RALGPS1: variants seen among roughly 807,000 people sequenced by gnomAD.
The protein encoded by RALGPS1 is Ral GEF with PH domain and SH3 binding motif 1.
A neutral mutation model predicts 78.8 loss-of-function variants in RALGPS1; 19 were observed. That is an observed-to-expected ratio of 0.24 (90% CI 0.17 to 0.35). The LOEUF (loss-of-function observed/expected upper bound fraction) is 0.35. Ranked by LOEUF, RALGPS1 falls within the 10% of genes least tolerant of loss-of-function variation. RALGPS1 has a pLI of 1.00. For synonymous variants in RALGPS1, 228 were observed against 256.3 expected (o/e 0.89, Z 1.06); for missense variants, 454 against 688.3 (o/e 0.66, Z 3.81).
chr9:127,132,043 G>A (rs1483095819), intron 8 of RALGPS1, among the ~76,000 whole-genome samples: 2 of 152,186 alleles, frequency 1.3e-5, no homozygotes, highest in African/African-American at 4.8e-5. Flanking sequence ...ATGAAGGAGA[G>A]TCAGGACTGG....
At chr9:127,126,294 T>C (rs928793111) in intron 8 of RALGPS1, among the ~76,000 whole-genome samples, 7 of 152,230 alleles carry the variant, frequency 4.6e-5, no homozygotes, top group Admixed American at 2.0e-4. Flanking sequence ...TGGCTTCTTT[T>C]AAGATTTTCT....
chr9:127,052,813 C>A, intron 6 of RALGPS1, 34 bp from the exon 7 acceptor site: 3 of 1,385,576 alleles, frequency 2.2e-6, no homozygotes, highest in Non-Finnish European at 2.0e-6. Flanking sequence ...TTGTTTATAG[C>A]AGCAAAATAA....
chr9:126,954,006 C>T (rs1177280401), intron 1 of RALGPS1, among the ~76,000 whole-genome samples: 1 of 152,186 alleles, frequency 6.6e-6, no homozygotes, highest in East Asian at 1.9e-4. Context: ...TGTGCATCCA[C>T]ACATGCCCAG....
Position 127,205,772 on chromosome 9 carries a change from A to T in RALGPS1, c.1248-6359A>T, listed in dbSNP as rs897847630. ...CTCATGGCAACTTGGGATGCCTCCCAGGTTTACATGTGATAGTTTCGCCCA... is the reference window on the plus strand; with the variant it reads ...CTCATGGCAACTTGGGATGCCTCCCTGGTTTACATGTGATAGTTTCGCCCA... On this transcript the variant is annotated intron_variant, in intron 14 of 18. Transcript: ENST00000259351. This position sits in a 1 kb window ranked among gnomAD's most constrained non-coding sequence, Gnocchi z 4.0. Among the ~76,000 whole-genome samples the T allele has an allele frequency of 2.6e-5, 4 of 152,328 alleles. No homozygotes were observed. In the South Asian group the frequency reaches 8.3e-4, roughly 32 times the overall value.
rs181343900 is a variant in RALGPS1, at chr9:127,169,703, C to T, written c.842+931C>T. 2.4e-3 allele frequency among the ~76,000 whole-genome samples: 372 copies of T among 152,252 alleles called. 3 individuals are homozygous for T. The highest frequency in any genetic ancestry group is 8.5e-3 in the African/African-American group (351 of 41,532). ...CAACTTTACAGTGGTGCGAAAGCAA[C>T]GCACATTCAGTAGAAACTGTACTTT... On this transcript the variant is annotated intron_variant, in intron 10 of 18. Coordinates refer to ENST00000259351, the MANE Select transcript of RALGPS1 (RefSeq NM_014636.3).
Position 127,211,336 on chromosome 9 carries a change from G to A in RALGPS1, c.1248-795G>A, listed in dbSNP as rs529663370. ...GTGGACCCAGGAAGGCCCGTGGAGC[G>A]CACTGGGCAGTGGCTCGAAGGAAGG... On this transcript the variant is annotated intron_variant, in intron 14 of 18. Transcript: ENST00000259351. The surrounding 1 kb of genome is among the most constrained non-coding windows in gnomAD (Gnocchi z 5.0). Among the ~76,000 whole-genome samples the A allele has an allele frequency of 4.6e-5, 7 of 152,332 alleles. No homozygotes were observed. Among genetic ancestry groups the A allele is most frequent in the African/African-American group, 1.2e-4 (5 of 41,572 alleles).
intron 3 of RALGPS1, among the ~76,000 whole-genome samples, chr9:126,976,746 A>G (rs1425487605): frequency 6.6e-6 from 1 of 152,206 alleles, no homozygotes; most frequent in Non-Finnish European, 1.5e-5. Flanking sequence ...AAAGGCATCC[A>G]AAGGTCTTCA....
intron 4 of RALGPS1, chr9:126,989,936 C>A: frequency 6.4e-7 from 1 of 1,550,534 alleles, no homozygotes; most frequent in Non-Finnish European, 8.7e-7. Flanking sequence ...CAGAAGTCCA[C>A]AGTTTCCTCC....
chr9:126,994,676 A>G (rs2133319192), intron 4 of RALGPS1, among the ~76,000 whole-genome samples: 1 of 152,338 alleles, frequency 6.6e-6, no homozygotes, highest in East Asian at 1.9e-4. Context: ...GGAAATACAG[A>G]GAATGCCACA....
intron 8 of RALGPS1, among the ~76,000 whole-genome samples, chr9:127,071,740 G>A (rs1453280609): frequency 2.0e-5 from 3 of 151,840 alleles, no homozygotes; most frequent in South Asian, 2.1e-4. Context: ...TTTCTTTTAT[G>A]CAAATATTAT....
intron 8 of RALGPS1, among the ~76,000 whole-genome samples, chr9:127,082,703 T>C (rs1368889133): frequency 6.6e-6 from 1 of 152,112 alleles, no homozygotes; most frequent in Non-Finnish European, 1.5e-5. Context: ...TTGATGTAAG[T>C]TTTCTGTTAC....
intron 8 of RALGPS1, among the ~76,000 whole-genome samples, chr9:127,121,347 A>T (rs781587353): frequency 3.3e-5 from 5 of 152,248 alleles, no homozygotes; most frequent in Non-Finnish European, 7.3e-5. Flanking sequence ...AAGCCAGCTC[A>T]TGAGGACTGC....
intron 4 of RALGPS1, among the ~76,000 whole-genome samples, chr9:127,002,842 A>G (rs1182565187): frequency 6.6e-6 from 1 of 151,926 alleles, no homozygotes; most frequent in East Asian, 1.9e-4. Context: ...AATCCAGTCT[A>G]TCATTGTTGG....
intron 4 of RALGPS1, among the ~76,000 whole-genome samples, chr9:127,021,916 A>G (rs781459234): frequency 6.6e-6 from 1 of 152,096 alleles, no homozygotes; most frequent in Non-Finnish European, 1.5e-5. Context: ...GTGCAGAGCT[A>G]CGTAGTACTA....
chr9:126,955,780 G>A (rs116433133), intron 1 of RALGPS1, among the ~76,000 whole-genome samples: 135 of 152,306 alleles, frequency 8.9e-4, no homozygotes, highest in African/African-American at 3.2e-3. Flanking sequence ...ATGAGGTAGG[G>A]ACACAGTGAG....
chr9:127,199,949 A>C (rs1185848744), intron 14 of RALGPS1, among the ~76,000 whole-genome samples: 2 of 142,608 alleles, frequency 1.4e-5, no homozygotes, highest in Non-Finnish European at 3.2e-5. Flanking sequence ...CATGCCCTAC[A>C]CACACATATA....
At chr9:127,088,860 GTTGTTCT>G in intron 8 of RALGPS1, 5 of 1,541,170 alleles carry the variant, frequency 3.2e-6, no homozygotes. Context: ...CTGGTGAGGA[GTTGTTCT>G]TTGTGCTGTG....
intron 7 of RALGPS1, among the ~76,000 whole-genome samples, chr9:127,056,387 CTG>C (rs1381285862): frequency 1.3e-5 from 2 of 152,134 alleles, no homozygotes; most frequent in Non-Finnish European, 2.9e-5. Flanking sequence ...GTGATACACA[CTG>C]TGTGGATTAC....
At position 126,952,628 on chromosome 9, in the gene RALGPS1, TGAGA is replaced by T. The variant is rs34773282; in HGVS notation, c.-65-9571_-65-9568del. On this transcript the variant is annotated intron_variant, in intron 1 of 18. Transcript: ENST00000259351. The stretch of plus-strand genomic sequence containing the variant: ...AAATCTGATGTGCTGTGGCTGTGGC[TGAGA>T]GAGAGAGAGAGAGAGAGAGAGAGAG... 6.0e-3 allele frequency among the ~76,000 whole-genome samples: 829 copies of T among 138,824 alleles called. 7 individuals are homozygous for T. Among genetic ancestry groups the T allele is most frequent in the African/African-American group, 0.011 (407 of 38,274 alleles). 91.1% of individuals were successfully genotyped at this position (138,824 alleles called of 152,430 possible). A position where few individuals can be genotyped will look rare whatever the true frequency, so the allele number is the denominator to read the frequency against.
Sources: gnomAD v4.1 joint callset for allele counts (sites outside exome capture counted in the v4.1 genomes callset) on GRCh38, gnomAD v4.1.1 for gene constraint, Gnocchi (gnomAD v3.1) non-coding constraint, MANE v1.5 for transcripts, NCBI Gene and HGNC (gene_info 2026-07-23, HGNC 2026-07-21) for gene names.